The following MAP3K4 variants were observed in gnomAD, a reference collection of about 807,000 sequenced individuals.
The protein encoded by MAP3K4 is MAP three kinase 1.
Under a neutral mutation model 185.6 loss-of-function variants are expected in MAP3K4, and 67 were observed. The ratio of observed to expected loss-of-function variants is 0.36; its 90% CI spans 0.30 to 0.44. The LOEUF is 0.44. MAP3K4 is among the 20% of genes least tolerant of loss of function. The pLI, the probability that MAP3K4 is intolerant of heterozygous loss-of-function variation, is 1.00. For missense variants in MAP3K4, 1,551 were observed against 1,995.1 expected (o/e 0.78, Z 4.24); for synonymous variants, 702 against 710.4 (o/e 0.99, Z 0.19).
chr6:160,994,944 C>T (rs1375455672), intron 1 of MAP3K4, among the ~76,000 whole-genome samples: 5 of 152,166 alleles, frequency 3.3e-5, no homozygotes, highest in Admixed American at 2.0e-4. Context: ...CGTGATCCGC[C>T]CATCTTGGCC....
At chr6:161,021,213 A>G (rs912141105) in intron 1 of MAP3K4, among the ~76,000 whole-genome samples, 4 of 152,246 alleles carry the variant, frequency 2.6e-5, no homozygotes, top group Non-Finnish European at 5.9e-5. Context: ...GTTCCTCTCA[A>G]GTGAACAATT....
intron 2 of MAP3K4, among the ~76,000 whole-genome samples, chr6:161,042,329 A>G (rs1273084449): frequency 6.6e-6 from 1 of 152,200 alleles, no homozygotes; most frequent in Non-Finnish European, 1.5e-5. Flanking sequence ...GATAGTTTAA[A>G]AAAAGGCATT....
At position 160,996,594 on chromosome 6, in the gene MAP3K4, C is replaced by T. The variant is rs13207108; in HGVS notation, c.152+4511C>T. On this transcript the variant is annotated intron_variant, in intron 1 of 26. Coordinates refer to ENST00000392142, the MANE Select transcript of MAP3K4 (RefSeq NM_005922.4). This position sits in a 1 kb window ranked among gnomAD's most constrained non-coding sequence, Gnocchi z 4.5. ...TGTATGCTGTTTGAAGACTCTTTAACGTTGCCTATCAGTAGGCTACTGGTA... is the reference window on the plus strand; with the variant it reads ...TGTATGCTGTTTGAAGACTCTTTAATGTTGCCTATCAGTAGGCTACTGGTA... Among the ~76,000 whole-genome samples the T allele has an allele frequency of 0.044, 6,699 of 152,276 alleles. 173 individuals carry two copies. Among genetic ancestry groups the T allele is most frequent in the South Asian group, 0.073 (351 of 4,824 alleles).
rs141387042 is a variant in MAP3K4 at position 161,037,357 on chromosome 6, A to G, written c.343+2908A>G. Among the ~76,000 whole-genome samples the G allele has an allele frequency of 6.6e-6, 1 of 152,246 alleles. No individual in the cohort carries two copies. Among genetic ancestry groups the G allele is most frequent in the African/African-American group, 2.4e-5 (1 of 41,548 alleles). On this transcript the variant is annotated intron_variant, in intron 2 of 26. Coordinates refer to ENST00000392142, the MANE Select transcript of MAP3K4 (RefSeq NM_005922.4). This position sits in a 1 kb window ranked among gnomAD's most constrained non-coding sequence, Gnocchi z 4.2. Reference sequence around the variant, plus strand: ...CTCTATCTGTAAAATCATCTGCCTTATAGTGTTGTTAGGATTATGTATTCA... The same window carrying G: ...CTCTATCTGTAAAATCATCTGCCTTGTAGTGTTGTTAGGATTATGTATTCA...
At chr6:161,001,012 AT>A (rs1562472176) in intron 1 of MAP3K4, among the ~76,000 whole-genome samples, 2 of 29,748 alleles carry the variant, frequency 6.7e-5, no homozygotes, top group Non-Finnish European at 1.2e-4. Flanking sequence ...ATATACACAT[AT>A]GTATATAATA....
rs1382394333 is a variant in MAP3K4, at chr6:161,034,255, A to G, written c.153-4A>G. 6.2e-7 allele frequency: 1 copy of G among 1,610,566 alleles called. No individual in the cohort carries two copies. The highest frequency in any genetic ancestry group is 8.5e-7 in the Non-Finnish European group (1 of 1,177,712). ...ATATTTTCCCTGCACACTGTCTTTCATAGGCAAGAGGGCACATTGGGAGAT... is the reference window on the plus strand; with the variant it reads ...ATATTTTCCCTGCACACTGTCTTTCGTAGGCAAGAGGGCACATTGGGAGAT... On this transcript the variant is annotated splice_polypyrimidine_tract_variant and splice_region_variant and intron_variant, in intron 1 of 26. Transcript: ENST00000392142. This position sits in a 1 kb window ranked among gnomAD's most constrained non-coding sequence, Gnocchi z 4.4.
intron 5 of MAP3K4, among the ~76,000 whole-genome samples, chr6:161,078,700 G>T (rs1006719508): frequency 2.0e-5 from 3 of 152,176 alleles, no homozygotes; most frequent in South Asian, 2.1e-4. Context: ...CAGGAAGCTG[G>T]ACTGAAGAAG....
chr6:161,020,337 C>G (rs1203569800), intron 1 of MAP3K4, among the ~76,000 whole-genome samples: 2 of 152,048 alleles, frequency 1.3e-5, no homozygotes, highest in African/African-American at 2.4e-5. Context: ...TGCAGTGTCT[C>G]CCTGCCCACA....
chr6:161,062,853 T>A lies in MAP3K4; in HGVS notation c.1708-7755T>A, dbSNP rs183096067. 1.0e-3 allele frequency among the ~76,000 whole-genome samples: 153 copies of A among 152,294 alleles called. 1 individual carries two copies. Among genetic ancestry groups the A allele is most frequent in the Non-Finnish European group, 1.3e-3 (86 of 68,028 alleles). On this transcript the variant is annotated intron_variant, in intron 3 of 26. Coordinates refer to ENST00000392142, the MANE Select transcript of MAP3K4 (RefSeq NM_005922.4). ...ATTTTCAGATACATGGTGTACACTT[T>A]GAATAAATAGTTTAGTTTGTTTGTT...
At chr6:161,000,884 TTATAC>T (rs1419267769) in intron 1 of MAP3K4, among the ~76,000 whole-genome samples, 4 of 149,036 alleles carry the variant, frequency 2.7e-5, no homozygotes, top group Non-Finnish European at 4.4e-5. Context: ...TATATGTATA[TTATAC>T]TATACATATA....
At position 161,000,866 on chromosome 6, in the gene MAP3K4, CACAT is replaced by C. The variant is rs550570882; in HGVS notation, c.152+8789_152+8792del. ...GTGTACGCACATATACACATGTGTA[CACAT>C]ACATATATGTATATTATACTATACA... On this transcript the variant is annotated intron_variant, in intron 1 of 26. Transcript: ENST00000392142. Among the ~76,000 whole-genome samples the C allele has an allele frequency of 1.6e-3, 240 of 149,884 alleles. 1 individual carries two copies. The highest frequency in any genetic ancestry group is 4.4e-3 in the African/African-American group (182 of 40,940).
chr6:161,101,703 C>T lies in MAP3K4; in HGVS notation c.3675-189C>T, dbSNP rs16892148. Reference sequence around the variant, plus strand: ...CTGATTCTGGTGGGTCTGTCCTGTGCGTTTTCCGCTGCCCACTAGATGCCA... The same window carrying T: ...CTGATTCTGGTGGGTCTGTCCTGTGTGTTTTCCGCTGCCCACTAGATGCCA... On this transcript the variant is annotated intron_variant, in intron 17 of 26. Coordinates refer to ENST00000392142, the MANE Select transcript of MAP3K4 (RefSeq NM_005922.4). This position sits in a 1 kb window ranked among gnomAD's most constrained non-coding sequence, Gnocchi z 5.1. 1,465 of 554,016 alleles carry T rather than the reference C, an allele frequency of 2.6e-3. 17 individuals carry two copies. The highest frequency in any genetic ancestry group is 0.025 in the African/African-American group (1,322 of 52,618). 34.3% of individuals were successfully genotyped at this position (554,016 alleles called of 1,614,324 possible).
At chr6:161,035,691 CAAAG>C (rs1454658980) in intron 2 of MAP3K4, among the ~76,000 whole-genome samples, 2 of 152,154 alleles carry the variant, frequency 1.3e-5, no homozygotes, top group African/African-American at 4.8e-5. Context: ...TACATTTTCT[CAAAG>C]AAATTTCTCA....
intron 1 of MAP3K4, among the ~76,000 whole-genome samples, chr6:161,002,491 C>T (rs1781369160): frequency 6.6e-6 from 1 of 151,590 alleles, no homozygotes; most frequent in African/African-American, 2.4e-5. Flanking sequence ...AGAAATTTTC[C>T]TGATTATAAA....
rs926668144 is a variant in MAP3K4 at position 161,093,802 on chromosome 6, T to C, written c.3378T>C (p.Ile1126=). Reference sequence around the variant, plus strand: ...TACAAGCCTTGATGAATGAATGCATTGGCCATGTCATAGGAAAACCACACA... The same window carrying C: ...TACAAGCCTTGATGAATGAATGCATCGGCCATGTCATAGGAAAACCACACA... ...LSLQALMNEC[I]GHVIGKPHSP... Residue 1126 remains isoleucine, a synonymous_variant, in exon 15 of 27, where the codon ATT becomes ATC. Transcript: ENST00000392142. The surrounding 1 kb of genome is among the most constrained non-coding windows in gnomAD (Gnocchi z 5.2). 3.7e-6 allele frequency: 6 copies of C among 1,613,570 alleles called. No homozygotes were observed. In the African/African-American group the frequency reaches 6.7e-5, roughly 18 times the overall value.
intron 4 of MAP3K4, among the ~76,000 whole-genome samples, chr6:161,072,757 A>G (rs942332077): frequency 1.3e-5 from 2 of 152,172 alleles, no homozygotes; most frequent in African/African-American, 4.8e-5. Flanking sequence ...GTCCCTGTTT[A>G]TTAGAATTTG....
intron 1 of MAP3K4, among the ~76,000 whole-genome samples, chr6:161,025,299 G>A (rs934105058): frequency 6.6e-6 from 1 of 152,196 alleles, no homozygotes; most frequent in East Asian, 1.9e-4. Context: ...ATTGGAGAGT[G>A]GTATTGGGAA....
chr6:161,094,585 A>G (rs77268089), intron 15 of MAP3K4, among the ~76,000 whole-genome samples: 4 of 152,372 alleles, frequency 2.6e-5, no homozygotes, highest in East Asian at 3.9e-4. Flanking sequence ...TAGAAATTTT[A>G]TGCAATTTAA....
intron 7 of MAP3K4, among the ~76,000 whole-genome samples, chr6:161,085,370 CT>C (rs572190716): frequency 2.0e-5 from 3 of 152,124 alleles, no homozygotes; most frequent in Non-Finnish European, 4.4e-5. Context: ...TGGTTTTTCT[CT>C]GTTGAATTTC....
Sources: allele counts gnomAD v4.1 joint callset (sites outside exome capture counted in the v4.1 genomes callset), GRCh38; gene constraint gnomAD v4.1.1; non-coding constraint Gnocchi (gnomAD v3.1); transcripts MANE v1.5; gene names NCBI Gene and HGNC (gene_info 2026-07-23, HGNC 2026-07-21).